Variants in EDAR observed in about 807,000 individuals in gnomAD.
EDAR encodes the protein tumor necrosis factor receptor superfamily member EDAR.
Under a neutral mutation model 51.3 loss-of-function variants are expected in EDAR, and 38 were observed. That is an observed-to-expected ratio of 0.74 (90% CI 0.57 to 0.97). The LOEUF is 0.97. Ranked by LOEUF, EDAR falls within the 50% of genes least tolerant of loss-of-function variation. EDAR has a pLI of 0.00. For synonymous variants in EDAR, 227 were observed against 242.1 expected (o/e 0.94, Z 0.58); for missense variants, 528 against 595.0 (o/e 0.89, Z 1.17).
chr2:108,913,140 G>A (rs1168094082), intron 5 of EDAR, among the ~76,000 whole-genome samples: 1 of 151,936 alleles, frequency 6.6e-6, no homozygotes, highest in Non-Finnish European at 1.5e-5. Flanking sequence ...TAGTAGAGAC[G>A]GGGTTTCACC....
intron 5 of EDAR, among the ~76,000 whole-genome samples, chr2:108,914,342 T>C (rs1696988576): frequency 6.6e-6 from 1 of 152,166 alleles, no homozygotes; most frequent in Admixed American, 6.5e-5. Context: ...GAACTACCCA[T>C]GGCCTCCTTG....
At chr2:108,962,647 C>A (rs1378361292) in intron 1 of EDAR, among the ~76,000 whole-genome samples, 1 of 140,224 alleles carries the variant, frequency 7.1e-6, no homozygotes, top group African/African-American at 2.8e-5. Flanking sequence ...TGCCCTCCAG[C>A]CTGGGCGACA....
At chr2:108,945,892 G>A (rs927928718) in intron 1 of EDAR, among the ~76,000 whole-genome samples, 4 of 152,168 alleles carry the variant, frequency 2.6e-5, no homozygotes, top group African/African-American at 9.7e-5. Flanking sequence ...AATGTGGGTT[G>A]CCAGGGGCAC....
rs1375905910 is a variant in EDAR, at chr2:108,896,825, A to C, written c.*82T>G. 7.2e-7 allele frequency: 1 copy of C among 1,383,162 alleles called. No individual in the cohort carries two copies. The highest frequency in any genetic ancestry group is 1.4e-5 in the African/African-American group (1 of 69,836). 85.7% of individuals were successfully genotyped at this position (1,383,162 alleles called of 1,614,324 possible). On this transcript the variant is annotated 3_prime_UTR_variant, in exon 12 of 12. Transcript: ENST00000258443. ...TATCACAAAAGCCTTGATTCTTGGC[A>C]GTCTTTTGGCACCACTCACAGCTCC...
chr2:108,912,119 C>T (rs927149189), intron 6 of EDAR, among the ~76,000 whole-genome samples: 1 of 152,120 alleles, frequency 6.6e-6, no homozygotes, highest in Non-Finnish European at 1.5e-5. Context: ...CCTCACGGCT[C>T]GCTGAGACCT....
intron 1 of EDAR, among the ~76,000 whole-genome samples, chr2:108,948,243 G>T (rs528728886): frequency 1.3e-5 from 2 of 152,264 alleles, no homozygotes; most frequent in East Asian, 3.9e-4. Context: ...CCTAAGCCTG[G>T]ACTTCATTGT....
At chr2:108,979,863 C>T (rs75561410) in intron 1 of EDAR, among the ~76,000 whole-genome samples, 160 of 152,222 alleles carry the variant, frequency 1.1e-3, no homozygotes, top group Non-Finnish European at 2.0e-3. Context: ...CTGGCTCTGA[C>T]GGGCAGCACA....
At chr2:108,913,949 C>A (rs1333335510) in intron 5 of EDAR, among the ~76,000 whole-genome samples, 508 of 109,004 alleles carry the variant, frequency 4.7e-3, no homozygotes, top group Middle Eastern at 5.7e-3. Flanking sequence ...GATTCCGTCT[C>A]AAAAAAAAAA....
chr2:108,934,545 A>G (rs973522169), intron 1 of EDAR, among the ~76,000 whole-genome samples: 1 of 152,156 alleles, frequency 6.6e-6, no homozygotes, highest in Admixed American at 6.5e-5. Context: ...ACAGAATACC[A>G]CGGACTGGCT....
At position 108,896,895 on chromosome 2, in the gene EDAR, CA is replaced by C. The variant is rs764443374; in HGVS notation, c.*11del. On this transcript the variant is annotated 3_prime_UTR_variant, in exon 12 of 12. Transcript: ENST00000258443. ...TGGCTTGTCCTGGGAGGACAGCCCA[CA>C]GGCATGCTTTTCAGGATGCAGCATG... is the stretch of plus-strand genomic sequence containing the variant. 6.2e-7 allele frequency: 1 copy of C among 1,607,640 alleles called. No homozygotes were observed. The highest frequency in any genetic ancestry group is 1.3e-5 in the African/African-American group (1 of 74,794).
chr2:108,970,793 G>A (rs377722930), intron 1 of EDAR, among the ~76,000 whole-genome samples: 2 of 152,122 alleles, frequency 1.3e-5, no homozygotes, highest in African/African-American at 2.4e-5. Context: ...AGATAAGTTC[G>A]GAAAATACAC....
chr2:108,922,068 C>A (rs917585452), intron 5 of EDAR, among the ~76,000 whole-genome samples: 1 of 152,234 alleles, frequency 6.6e-6, no homozygotes, highest in East Asian at 1.9e-4. Context: ...CTTAGAGAGG[C>A]GCCCCTGCCG....
intron 1 of EDAR, among the ~76,000 whole-genome samples, chr2:108,939,453 A>G (rs1170093755): frequency 6.6e-6 from 1 of 152,178 alleles, no homozygotes; most frequent in Non-Finnish European, 1.5e-5. Context: ...GTATGTGAAA[A>G]TGGGTGCTAA....
At chr2:108,923,569 G>A (rs546904176) in intron 4 of EDAR, 116 bp from the exon 5 acceptor site, 2 of 870,294 alleles carry the variant, frequency 2.3e-6, no homozygotes, top group African/African-American at 1.6e-5. Context: ...TCGGGCATGA[G>A]GCCACGCCCA....
chr2:108,947,726 G>T (rs1303865681), intron 1 of EDAR, among the ~76,000 whole-genome samples: 1 of 152,118 alleles, frequency 6.6e-6, no homozygotes, highest in East Asian at 1.9e-4. Context: ...CAAGTCCTGG[G>T]GCTGCACAGG....
chr2:108,933,395 A>G (rs1483104975), intron 1 of EDAR, among the ~76,000 whole-genome samples: 1 of 152,136 alleles, frequency 6.6e-6, no homozygotes, highest in Non-Finnish European at 1.5e-5. Flanking sequence ...TGGCTGCTCT[A>G]AGAATAGGTG....
intron 1 of EDAR, among the ~76,000 whole-genome samples, chr2:108,941,506 C>A (rs1241118922): frequency 6.6e-6 from 1 of 152,178 alleles, no homozygotes; most frequent in Non-Finnish European, 1.5e-5. Context: ...TCCTGGCGAC[C>A]CTTCCTGACC....
chr2:108,955,845 C>T (rs1388085837), intron 1 of EDAR, among the ~76,000 whole-genome samples: 1 of 152,018 alleles, frequency 6.6e-6, no homozygotes, highest in Non-Finnish European at 1.5e-5. Flanking sequence ...GCTAACACGG[C>T]GAAATACTGT....
intron 11 of EDAR, 129 bp downstream of exon 11, chr2:108,906,179 T>C: frequency 1.1e-6 from 1 of 925,908 alleles, no homozygotes; most frequent in South Asian, 1.4e-5. Flanking sequence ...GCGGCCATTC[T>C]GACCAAAGTG....
Sources: allele counts gnomAD v4.1 joint callset (sites outside exome capture counted in the v4.1 genomes callset), GRCh38; gene constraint gnomAD v4.1.1; transcripts MANE v1.5; gene names NCBI Gene and HGNC (gene_info 2026-07-23, HGNC 2026-07-21).